Variants in KIF21B observed in about 807,000 individuals in gnomAD.
KIF21B encodes the protein kinesin-like protein KIF21B.
A neutral mutation model predicts 192.9 loss-of-function variants in KIF21B; 85 were observed. The ratio of observed to expected loss-of-function variants is 0.44; its 90% CI spans 0.37 to 0.53. KIF21B has a LOEUF of 0.53. Among genes scored for constraint, KIF21B ranks in the 20% least tolerant of loss-of-function variants. The pLI, the probability that KIF21B is intolerant of heterozygous loss-of-function variation, is 0.00. For missense variants in KIF21B, 1,716 were observed against 2,194.8 expected, an observed-to-expected ratio of 0.78 and a Z score of 4.36; for synonymous variants, 832 against 884.6, an observed-to-expected ratio of 0.94 and a Z score of 1.05.
chr1:200,999,996 G>A lies in KIF21B; in HGVS notation c.1686-32C>T, dbSNP rs114098474. Reference sequence around the variant, plus strand: ...AGGGAGGACAGGGAAGCTGGATTAGGAAGGCTGCCCCTGCCCTGAGCACAT... The same window carrying A: ...AGGGAGGACAGGGAAGCTGGATTAGAAAGGCTGCCCCTGCCCTGAGCACAT... On this transcript the variant is annotated intron_variant, in intron 11 of 34. Transcript: ENST00000461742. This position sits in a 1 kb window ranked among gnomAD's most constrained non-coding sequence, Gnocchi z 4.7. The A allele has an allele frequency of 1.0e-3, 1,618 of 1,600,630 alleles. 16 individuals are homozygous for A. In the African/African-American group the frequency reaches 0.018, roughly 18 times the overall value.
rs946500533 is a variant in KIF21B, at chr1:200,982,353, C to T, written c.3842+703G>A. On this transcript the variant is annotated intron_variant, in intron 28 of 34. Coordinates refer to ENST00000461742, the MANE Select transcript of KIF21B (RefSeq NM_001252102.2). The surrounding 1 kb of genome is among the most constrained non-coding windows in gnomAD (Gnocchi z 4.7). ...CTGGAGGCTCGAGGAGCTGAGACAG[C>T]CCACCAGGAGAGCCGAGGAAGCTCT... Among the ~76,000 whole-genome samples, 4 of 152,204 alleles carry T rather than the reference C, an allele frequency of 2.6e-5. No homozygotes were observed. The highest frequency in any genetic ancestry group is 2.6e-4 in the Admixed American group (4 of 15,286).
chr1:201,005,529 T>G lies in KIF21B; in HGVS notation c.597+16A>C. 1 of 1,609,228 alleles carries G rather than the reference T, an allele frequency of 6.2e-7. No homozygotes were observed. Among genetic ancestry groups the G allele is most frequent in the Non-Finnish European group, 8.5e-7 (1 of 1,176,672 alleles). ...GGATGCCCTGGACCTGCTCCAGACC[T>G]CCAGCAGAGGCTCACCTCCTCCTGG... On this transcript the variant is annotated intron_variant, in intron 4 of 34. Coordinates refer to ENST00000461742, the MANE Select transcript of KIF21B (RefSeq NM_001252102.2).
rs146472524 is a variant in KIF21B at position 200,986,491 on chromosome 1, G to A, written c.3689+353C>T. On this transcript the variant is annotated intron_variant, in intron 26 of 34. Transcript: ENST00000461742. ...TAATGCCTCAGCCTCCCGAGTAGCT[G>A]GGAATACAGGCATGTGCCACTATGC... Among the ~76,000 whole-genome samples the A allele has an allele frequency of 3.3e-5, 5 of 152,062 alleles. No homozygotes were observed. The East Asian group carries it at 9.7e-4, about 29-fold the overall frequency.
intron 6 of KIF21B, 131 bp downstream of exon 6, chr1:201,004,635 A>G: frequency 8.0e-7 from 1 of 1,246,970 alleles, no homozygotes; most frequent in Non-Finnish European, 1.1e-6. Flanking sequence ...GACAGGGGTG[A>G]CGCCTGAGAG....
Position 200,975,472 on chromosome 1 carries a change from AC to A in KIF21B, c.4614+26del. ...TATGGAAACCACCCTACCCGAGTCT[AC>A]CCTCTCCCTTTCCTCCTGACCCCAC... On this transcript the variant is annotated intron_variant, in intron 33 of 34. Transcript: ENST00000461742. This position sits in a 1 kb window ranked among gnomAD's most constrained non-coding sequence, Gnocchi z 4.3. 6.3e-7 allele frequency: 1 copy of A among 1,595,330 alleles called. No homozygotes were observed. Among genetic ancestry groups the A allele is most frequent in the Admixed American group, 1.7e-5 (1 of 59,408 alleles).
In KIF21B at chr1:200,998,531, C is replaced by G. The variant is rs267598289; in HGVS notation, c.1930G>C (p.Glu644Gln). ...ADLADLTCEI[E>Q]IKQKLIDELE... ...TCGTCGATCAGCTTCTGCTTGATTT[C>G]GATCTCACAAGTCAGGTCGGCCAGG... is the stretch of plus-strand genomic sequence containing the variant. Residue 644 changes from glutamate to glutamine, a missense_variant, in exon 14 of 35, where the codon GAA becomes CAA. Physicochemically the swap from Glu to Gln is conservative, Grantham distance 29. This residue lies in a region of KIF21B where 1,087 missense variants were observed against 1,316.6 expected (regional missense o/e 0.83). Coordinates refer to ENST00000461742, the MANE Select transcript of KIF21B (RefSeq NM_001252102.2). The surrounding 1 kb of genome is among the most constrained non-coding windows in gnomAD (Gnocchi z 4.3). 1 of 1,613,882 alleles carries G rather than the reference C, an allele frequency of 6.2e-7. No individual in the cohort carries two copies. The highest frequency in any genetic ancestry group is 8.5e-7 in the Non-Finnish European group (1 of 1,180,002).
rs1263508227 is a variant in KIF21B, at chr1:200,972,685, G to C, written c.*836C>G. The stretch of plus-strand genomic sequence containing the variant: ...TGGGGGCTGTGTCGGGGACAGGCCT[G>C]AGCTGCAGAGTCGAAGGAGCAGTTC... On this transcript the variant is annotated 3_prime_UTR_variant, in exon 35 of 35. Coordinates refer to ENST00000461742, the MANE Select transcript of KIF21B (RefSeq NM_001252102.2). 6 of 152,646 alleles carry C rather than the reference G, an allele frequency of 3.9e-5. No individual in the cohort carries two copies. The highest frequency in any genetic ancestry group is 8.8e-5 in the Non-Finnish European group (6 of 68,098). The allele number at this position is 152,646 out of a possible 1,614,324, so 9.5% of individuals were successfully genotyped here.
chr1:200,976,707 G>T, intron 32 of KIF21B, 69 bp downstream of exon 32: 1 of 986,714 alleles, frequency 1.0e-6, no homozygotes, highest in Non-Finnish European at 1.5e-6. Flanking sequence ...GGTACTCCCA[G>T]GGCAACAGAG....
rs200890486 is a variant in KIF21B, at chr1:200,975,644, G to A, written c.4469C>T (p.Thr1490Met). 94 of 1,612,892 alleles carry A rather than the reference G, an allele frequency of 5.8e-5. 2 individuals carry two copies. The South Asian group carries it at 7.5e-4, about 13-fold the overall frequency. Residue 1490 changes from threonine (T) to methionine (M), a missense_variant, in exon 33 of 35, where the codon ACG (threonine) becomes ATG (methionine). Around this residue, in one of 3 missense-constraint regions of KIF21B, gnomAD observed 580 missense variants for 775.5 expected, o/e 0.75. Transcript: ENST00000461742. This position sits in a 1 kb window ranked among gnomAD's most constrained non-coding sequence, Gnocchi z 4.3. Reference protein sequence around the residue: ...VKMFELGECVTGTIGPTHNFE... With the variant: ...VKMFELGECVMGTIGPTHNFE... ...GTTGTGAGTGGGGCCGATGGTGCCC[G>A]TCACACACTCGCCCAGCTCGAACAT...
At chr1:200,980,663 T>G (rs999271384) in intron 29 of KIF21B, among the ~76,000 whole-genome samples, 1 of 152,216 alleles carries the variant, frequency 6.6e-6, no homozygotes, top group African/African-American at 2.4e-5. Flanking sequence ...TGGGGTGATG[T>G]TGGGCAGTGC....
In KIF21B at chr1:200,998,365, G is replaced by C. The variant is rs771521543; in HGVS notation, c.2077+19C>G. ...AGGGAGGGTCCGGATGGGGTGGAGG[G>C]GCATGGCGGTGGCCTCACTGAGGTT... On this transcript the variant is annotated intron_variant, in intron 14 of 34. Coordinates refer to ENST00000461742, the MANE Select transcript of KIF21B (RefSeq NM_001252102.2). This position sits in a 1 kb window ranked among gnomAD's most constrained non-coding sequence, Gnocchi z 4.3. 1.9e-6 allele frequency: 3 copies of C among 1,601,984 alleles called. No homozygotes were observed. Among genetic ancestry groups the C allele is most frequent in the Non-Finnish European group, 1.7e-6 (2 of 1,172,908 alleles).
chr1:201,004,682 A>G (rs1190795345), intron 6 of KIF21B, 84 bp downstream of exon 6: 1 of 1,522,120 alleles, frequency 6.6e-7, no homozygotes, highest in Non-Finnish European at 9.1e-7. Context: ...AGGAGGACTC[A>G]GCAGGTGTAG....
chr1:200,999,742 T>TA lies in KIF21B; in HGVS notation c.1767+140dup, dbSNP rs1239409713. On this transcript the variant is annotated intron_variant, in intron 12 of 34. Coordinates refer to ENST00000461742, the MANE Select transcript of KIF21B (RefSeq NM_001252102.2). The surrounding 1 kb of genome is among the most constrained non-coding windows in gnomAD (Gnocchi z 4.7). ...GATCACCATGGTAACCAGTCAGAGATATAAGGAAGTACAAGGATCAACTGG... is the reference window on the plus strand; with the variant it reads ...GATCACCATGGTAACCAGTCAGAGATAATAAGGAAGTACAAGGATCAACTGG... 2.3e-5 allele frequency: 21 copies of TA among 908,890 alleles called. No individual in the cohort carries two copies. In the East Asian group the frequency reaches 4.6e-4, roughly 20 times the overall value. The allele number at this position is 908,890 out of a possible 1,614,324, so 56.3% of individuals were successfully genotyped here. A position where few individuals can be genotyped will look rare whatever the true frequency, so the allele number is the denominator to read the frequency against.
chr1:200,993,381 G>C (rs180846390), intron 15 of KIF21B, among the ~76,000 whole-genome samples: 1 of 152,298 alleles, frequency 6.6e-6, no homozygotes, highest in African/African-American at 2.4e-5. Flanking sequence ...TAACATGTGG[G>C]GGCTGGACCA....
In KIF21B at chr1:200,977,221, T is replaced by C. The variant is rs1655617295; in HGVS notation, c.4316A>G (p.Glu1439Gly). ...AASGNAVRIW[E>G]LSRFQPVGKL... Reference sequence around the variant, plus strand: ...CAGGTATCACGCTGACCTGCTAAGCTCCCAGATGCGGACGGCATTGCCCGA... The same window carrying C: ...CAGGTATCACGCTGACCTGCTAAGCCCCCAGATGCGGACGGCATTGCCCGA... The change falls in exon 31 of 35, where the codon GAG becomes GGG. Residue 1439 changes from glutamate to glycine, a missense_variant. Physicochemically the swap from Glu to Gly is moderately conservative, Grantham distance 98 (BLOSUM62 -2). This residue lies in a region of KIF21B where 580 missense variants were observed against 775.5 expected (regional missense o/e 0.75). Transcript: ENST00000461742. The C allele has an allele frequency of 3.1e-6, 5 of 1,611,618 alleles. No homozygotes were observed. Among genetic ancestry groups the C allele is most frequent in the Non-Finnish European group, 4.2e-6 (5 of 1,178,004 alleles).
rs762029270 is a variant in KIF21B at position 200,991,019 on chromosome 1, C to T, written c.2585G>A (p.Gly862Glu). 2 of 1,614,170 alleles carry T rather than the reference C, an allele frequency of 1.2e-6. No homozygotes were observed. The highest frequency in any genetic ancestry group is 8.5e-7 in the Non-Finnish European group (1 of 1,180,046). ...CACGATGCTGGAGACAGAGCGGGCC[C>T]CTGATTCAGCCTCAGATGAGGTAGT... ...ASTTSSEAESGARSVSSIVRQ... is the reference protein window; with the variant it reads ...ASTTSSEAESEARSVSSIVRQ... Residue 862 changes from glycine (G) to glutamate (E), a missense_variant, in exon 18 of 35, where the codon GGG (glycine) becomes GAG (glutamate). By Grantham distance (98) the Gly-to-Glu change is moderately conservative. Coordinates refer to ENST00000461742, the MANE Select transcript of KIF21B (RefSeq NM_001252102.2).
intron 14 of KIF21B, 29 bp from the exon 15 acceptor site, chr1:200,996,424 G>C: frequency 6.2e-7 from 1 of 1,603,264 alleles, no homozygotes; most frequent in East Asian, 2.2e-5. Context: ...AGCTGTCGGT[G>C]CTGGGTCCCT....
chr1:200,985,428 C>T (rs1016180632), intron 26 of KIF21B, among the ~76,000 whole-genome samples: 1 of 152,098 alleles, frequency 6.6e-6, no homozygotes, highest in Non-Finnish European at 1.5e-5. Flanking sequence ...GTGGAGATTG[C>T]AGTGAACCCT....
rs769991162 is a variant in KIF21B at position 201,000,737 on chromosome 1, G to A, written c.1446C>T (p.Ile482=). 6.2e-7 allele frequency: 1 copy of A among 1,614,250 alleles called. No homozygotes were observed. The highest frequency in any genetic ancestry group is 8.5e-7 in the Non-Finnish European group (1 of 1,180,032). The change falls in exon 10 of 35, where the codon ATC becomes ATT. Residue 482 remains isoleucine, a synonymous_variant. Transcript: ENST00000461742. This position sits in a 1 kb window ranked among gnomAD's most constrained non-coding sequence, Gnocchi z 6.0. ...EAIGALIQNY[I]REIEELRTKL... is the part of the protein sequence containing the mutation. ...CTCACCGTAGCTCCTCGATCTCCCG[G>A]ATGTAGTTCTGGATCAGCGCACCAA...
Sources: gnomAD v4.1 joint callset for allele counts (sites outside exome capture counted in the v4.1 genomes callset) on GRCh38, gnomAD v4.1.1 for gene constraint, gnomAD v4.1.1 regional missense constraint, Gnocchi (gnomAD v3.1) non-coding constraint, MANE v1.5 for transcripts, NCBI Gene and HGNC (gene_info 2026-07-23, HGNC 2026-07-21) for gene names.